Variants in INSYN2B observed in about 807,000 individuals in gnomAD.
The protein encoded by INSYN2B is inhibitory synaptic factor family member 2B.
INSYN2B carries 16 observed loss-of-function variants against 41.2 expected under a neutral mutation model. That is an observed-to-expected ratio of 0.39 (90% confidence interval 0.26 to 0.59). The LOEUF is 0.59. Ranked by LOEUF, INSYN2B falls within the 20% of genes least tolerant of loss-of-function variation. The pLI, the probability that INSYN2B is intolerant of heterozygous loss-of-function variation, is 0.57. For missense variants in INSYN2B, 608 were observed against 646.4 expected (o/e 0.94, Z 0.64); for synonymous variants, 245 against 244.4 (o/e 1.00, Z -0.02).
Position 169,883,471 on chromosome 5 carries a change from A to G in INSYN2B, c.428T>C (p.Ile143Thr), listed in dbSNP as rs1485750148. The G allele has an allele frequency of 4.5e-6, 7 of 1,551,504 alleles. No individual in the cohort carries two copies. The highest frequency in any genetic ancestry group is 1.4e-5 in the African/African-American group (1 of 73,020). Residue 143 changes from isoleucine (I) to threonine (T), a missense_variant, in exon 2 of 4, where the codon ATT becomes ACT. Physicochemically the swap from Ile to Thr is moderately conservative, Grantham distance 89 (BLOSUM62 -1). Coordinates refer to ENST00000377365, the MANE Select transcript of INSYN2B (RefSeq NM_001129891.3). ...QVNGNLSEQD[I>T]VSSDLAYLRL... Reference sequence around the variant, plus strand: ...TAAGTAGGCAAGGTCAGAAGACACAATGTCCTGTTCAGAGAGGTTACCGTT... The same window carrying G: ...TAAGTAGGCAAGGTCAGAAGACACAGTGTCCTGTTCAGAGAGGTTACCGTT...
chr5:169,906,823 G>A (rs2113604869), intron 1 of INSYN2B, among the ~76,000 whole-genome samples: 1 of 152,318 alleles, frequency 6.6e-6, no homozygotes, highest in East Asian at 1.9e-4. Context: ...AGTCTATAGG[G>A]AAATTAGGGC....
chr5:169,952,576 T>C (rs748379218), intron 1 of INSYN2B, among the ~76,000 whole-genome samples: 4 of 152,060 alleles, frequency 2.6e-5, no homozygotes, highest in Non-Finnish European at 5.9e-5. Context: ...CTTCAGCACA[T>C]GAGACTGTAC....
At chr5:169,905,771 A>G (rs950458464) in intron 1 of INSYN2B, among the ~76,000 whole-genome samples, 26 of 152,240 alleles carry the variant, frequency 1.7e-4, no homozygotes, top group Non-Finnish European at 3.4e-4. Context: ...AGGGCTCACC[A>G]CAGCTGCGAT....
At chr5:169,949,627 T>C (rs1182087) in intron 1 of INSYN2B, among the ~76,000 whole-genome samples, 6,510 of 135,472 alleles carry the variant, frequency 0.048, 396 homozygotes, top group African/African-American at 0.16. Flanking sequence ...CATGATCAGG[T>C]TAGAATTTGA....
At chr5:169,904,271 A>C (rs1318379697) in intron 1 of INSYN2B, among the ~76,000 whole-genome samples, 1 of 152,070 alleles carries the variant, frequency 6.6e-6, no homozygotes, top group Non-Finnish European at 1.5e-5. Context: ...ACTTGAAAGC[A>C]AGGAGGGCTT....
intron 1 of INSYN2B, among the ~76,000 whole-genome samples, chr5:169,955,792 G>A (rs1267556363): frequency 6.6e-6 from 1 of 152,158 alleles, no homozygotes; most frequent in Non-Finnish European, 1.5e-5. Context: ...CTTTAGCAAA[G>A]TACCAACACA....
intron 3 of INSYN2B, among the ~76,000 whole-genome samples, chr5:169,879,176 T>C (rs1772495375): frequency 1.3e-5 from 2 of 152,180 alleles, no homozygotes; most frequent in Admixed American, 6.5e-5. Context: ...GAAGACCCAG[T>C]GGGCAATCCA....
intron 1 of INSYN2B, among the ~76,000 whole-genome samples, chr5:169,891,910 C>T (rs953490330): frequency 4.0e-5 from 6 of 150,578 alleles, no homozygotes; most frequent in East Asian, 3.9e-4. Flanking sequence ...CAAAGAGAAT[C>T]GCTTGAACCT....
intron 1 of INSYN2B, among the ~76,000 whole-genome samples, chr5:169,945,960 G>A (rs898772225): frequency 6.6e-6 from 1 of 152,156 alleles, no homozygotes. Context: ...ACATGAGCAG[G>A]CCAGGCAGGC....
intron 1 of INSYN2B, among the ~76,000 whole-genome samples, chr5:169,893,387 A>G (rs1196665975): frequency 6.6e-6 from 1 of 150,752 alleles, no homozygotes; most frequent in Non-Finnish European, 1.5e-5. Flanking sequence ...TTATCTCTGT[A>G]TTTCTCAGCA....
intron 1 of INSYN2B, among the ~76,000 whole-genome samples, chr5:169,962,960 G>A (rs1326831972): frequency 6.6e-6 from 1 of 152,160 alleles, no homozygotes; most frequent in Non-Finnish European, 1.5e-5. Context: ...GAAGTGGAAG[G>A]GTAAGGGTGG....
chr5:169,904,924 G>A (rs913855848), intron 1 of INSYN2B, among the ~76,000 whole-genome samples: 2 of 152,154 alleles, frequency 1.3e-5, no homozygotes, highest in Admixed American at 6.5e-5. Context: ...TCTGGAACCC[G>A]AGAGACCCGG....
intron 1 of INSYN2B, among the ~76,000 whole-genome samples, chr5:169,926,692 T>A (rs2113668727): frequency 6.6e-6 from 1 of 152,316 alleles, no homozygotes; most frequent in South Asian, 2.1e-4. Flanking sequence ...CCTCAAAGAT[T>A]ATTTAAAGAA....
At chr5:169,922,854 A>G (rs1185849334) in intron 1 of INSYN2B, among the ~76,000 whole-genome samples, 2 of 152,200 alleles carry the variant, frequency 1.3e-5, no homozygotes, top group East Asian at 1.9e-4. Context: ...GAATTCTTTG[A>G]AAGGGAGCTT....
intron 1 of INSYN2B, among the ~76,000 whole-genome samples, chr5:169,899,468 G>A (rs1372702157): frequency 6.6e-6 from 1 of 152,174 alleles, no homozygotes; most frequent in African/African-American, 2.4e-5. Context: ...AATGATTGCA[G>A]GTCAAAAATG....
intron 3 of INSYN2B, among the ~76,000 whole-genome samples, chr5:169,867,445 C>G (rs1771645527): frequency 1.3e-5 from 2 of 149,534 alleles, no homozygotes; most frequent in South Asian, 4.3e-4. Flanking sequence ...GTCTATCTAT[C>G]TATCTGTCTG....
intron 1 of INSYN2B, among the ~76,000 whole-genome samples, chr5:169,950,577 T>C (rs1355706754): frequency 1.3e-5 from 2 of 152,214 alleles, no homozygotes; most frequent in Non-Finnish European, 2.9e-5. Flanking sequence ...GTTTCTCTTT[T>C]GGTTTTAGTT....
chr5:169,864,503 G>GTCTGTGCTGATT, intron 3 of INSYN2B, 44 bp from the exon 4 acceptor site: 1 of 1,397,956 alleles, frequency 7.2e-7, no homozygotes, highest in Non-Finnish European at 9.6e-7. Flanking sequence ...ATTCGAATCA[G>GTCTGTGCTGATT]CACAGACTGA....
At chr5:169,952,595 A>G (rs1561847359) in intron 1 of INSYN2B, among the ~76,000 whole-genome samples, 1 of 152,144 alleles carries the variant, frequency 6.6e-6, no homozygotes, top group African/African-American at 2.4e-5. Context: ...ACAGGAGTCA[A>G]TACAACTGAC....
Sources: allele counts gnomAD v4.1 joint callset (sites outside exome capture counted in the v4.1 genomes callset), GRCh38; gene constraint gnomAD v4.1.1; transcripts MANE v1.5; gene names NCBI Gene and HGNC (gene_info 2026-07-23, HGNC 2026-07-21).